The following PHACTR1 variants were observed in gnomAD, a reference collection of about 807,000 sequenced individuals.
The protein encoded by PHACTR1 is phosphatase and actin regulator 1.
In PHACTR1, 16 loss-of-function variants were observed where a neutral mutation model predicts 69.2. The observed-to-expected ratio is 0.23, with a 90% confidence interval of 0.16 to 0.35. The LOEUF is 0.35. Ranked by LOEUF, PHACTR1 falls within the 10% of genes least tolerant of loss-of-function variation. The probability of loss-of-function intolerance (pLI) is 1.00; values close to 1 mark genes in which losing one functional copy is unlikely to be tolerated. For missense variants in PHACTR1, 510 were observed against 734.7 expected (o/e 0.69, Z 3.54); for synonymous variants, 312 against 284.5 (o/e 1.10, Z -0.97).
chr6:12,917,991 A>G (rs1474451734), intron 4 of PHACTR1, among the ~76,000 whole-genome samples: 5 of 152,214 alleles, frequency 3.3e-5, no homozygotes, highest in Non-Finnish European at 7.3e-5. Flanking sequence ...CCTGCCTTCT[A>G]TGATGTGGAG....
At chr6:12,740,212 A>G (rs944300737) in intron 3 of PHACTR1, among the ~76,000 whole-genome samples, 1 of 151,782 alleles carries the variant, frequency 6.6e-6, no homozygotes, top group Non-Finnish European at 1.5e-5. Context: ...AATTATGTTT[A>G]TATATTTTCC....
intron 4 of PHACTR1, among the ~76,000 whole-genome samples, chr6:12,940,305 T>C (rs557139953): frequency 6.6e-6 from 1 of 152,356 alleles, no homozygotes; most frequent in African/African-American, 2.4e-5. Context: ...TAAAACTGCT[T>C]TTCAGCTTTT....
intron 4 of PHACTR1, among the ~76,000 whole-genome samples, chr6:13,015,904 G>A (rs1243913915): frequency 6.6e-6 from 1 of 152,292 alleles, no homozygotes. Flanking sequence ...AGGGGAGACC[G>A]AATGTTATAG....
chr6:13,091,487 T>C (rs1451514721), intron 5 of PHACTR1, among the ~76,000 whole-genome samples: 1 of 152,180 alleles, frequency 6.6e-6, no homozygotes, highest in African/African-American at 2.4e-5. Context: ...GTCCCCAGCT[T>C]TTTTGGCACC....
At chr6:13,155,802 C>A (rs555350742) in intron 5 of PHACTR1, among the ~76,000 whole-genome samples, 1 of 151,894 alleles carries the variant, frequency 6.6e-6, no homozygotes, top group Non-Finnish European at 1.5e-5. Context: ...GCAGGAGAAT[C>A]ACTTGAACCC....
intron 4 of PHACTR1, among the ~76,000 whole-genome samples, chr6:12,914,428 G>T (rs1444258064): frequency 6.6e-6 from 1 of 152,036 alleles, no homozygotes; most frequent in Non-Finnish European, 1.5e-5. Flanking sequence ...TTCCATTCTT[G>T]ACCTCGCTTA....
At chr6:12,748,277 G>T (rs1262204028) in intron 3 of PHACTR1, among the ~76,000 whole-genome samples, 1 of 152,188 alleles carries the variant, frequency 6.6e-6, no homozygotes, top group Non-Finnish European at 1.5e-5. Context: ...CCAATGAAGA[G>T]AGAAGAAGAT....
At chr6:12,904,388 G>T (rs761640255) in intron 4 of PHACTR1, among the ~76,000 whole-genome samples, 1 of 151,920 alleles carries the variant, frequency 6.6e-6, no homozygotes, top group Non-Finnish European at 1.5e-5. Flanking sequence ...AAAAAAAATA[G>T]CCAGGCGTGG....
At chr6:13,020,914 C>T (rs1378247537) in intron 4 of PHACTR1, among the ~76,000 whole-genome samples, 1 of 152,074 alleles carries the variant, frequency 6.6e-6, no homozygotes, top group Non-Finnish European at 1.5e-5. Context: ...AGGCCACATA[C>T]CAAGGGCCTG....
chr6:12,868,498 C>A (rs1781700284), intron 4 of PHACTR1, among the ~76,000 whole-genome samples: 1 of 152,200 alleles, frequency 6.6e-6, no homozygotes, highest in East Asian at 1.9e-4. Flanking sequence ...GGGAGACAGT[C>A]CACAGTCTAT....
intron 5 of PHACTR1, among the ~76,000 whole-genome samples, chr6:13,122,667 A>G (rs1407956248): frequency 6.6e-6 from 1 of 152,308 alleles, no homozygotes; most frequent in African/African-American, 2.4e-5. Context: ...AATCTTTTGT[A>G]TGTGTACTTT....
At chr6:13,178,502 T>C (rs971563619) in intron 6 of PHACTR1, among the ~76,000 whole-genome samples, 1 of 152,274 alleles carries the variant, frequency 6.6e-6, no homozygotes, top group Non-Finnish European at 1.5e-5. Context: ...GTGCACATTC[T>C]TGGGTCTCAC....
intron 4 of PHACTR1, among the ~76,000 whole-genome samples, chr6:12,999,598 C>G (rs1331711881): frequency 6.6e-6 from 1 of 151,612 alleles, no homozygotes; most frequent in Non-Finnish European, 1.5e-5. Flanking sequence ...GACTCTGTCT[C>G]AGAAAAGAAA....
intron 4 of PHACTR1, among the ~76,000 whole-genome samples, chr6:12,834,115 C>G (rs138544206): frequency 5.9e-5 from 9 of 152,258 alleles, no homozygotes; most frequent in Non-Finnish European, 1.0e-4. Context: ...TAATTTTATA[C>G]TTGTCCACTG....
chr6:12,941,471 G>A (rs1343571399), intron 4 of PHACTR1, among the ~76,000 whole-genome samples: 1 of 152,064 alleles, frequency 6.6e-6, no homozygotes, highest in African/African-American at 2.4e-5. Flanking sequence ...CTGATTGTAA[G>A]TAAAGAAGAG....
At chr6:13,251,139 G>A (rs1774337992) in intron 10 of PHACTR1, among the ~76,000 whole-genome samples, 1 of 152,196 alleles carries the variant, frequency 6.6e-6, no homozygotes, top group Admixed American at 6.5e-5. Flanking sequence ...GAGTGGCTGT[G>A]TGTCCCTGTC....
intron 4 of PHACTR1, among the ~76,000 whole-genome samples, chr6:13,047,422 C>T (rs76472155): frequency 0.018 from 2,628 of 149,094 alleles, 76 homozygotes; most frequent in African/African-American, 0.061. Flanking sequence ...GCTGCTTCAG[C>T]GTAGTGAGCT....
chr6:13,194,418 G>C (rs1231699785), intron 7 of PHACTR1, among the ~76,000 whole-genome samples: 1 of 129,904 alleles, frequency 7.7e-6, no homozygotes, highest in Non-Finnish European at 1.6e-5. Context: ...AAAAAAAAAA[G>C]AAAGAAAGGA....
At chr6:13,124,769 C>T (rs944660934) in intron 5 of PHACTR1, among the ~76,000 whole-genome samples, 3 of 152,222 alleles carry the variant, frequency 2.0e-5, no homozygotes, top group East Asian at 1.9e-4. Flanking sequence ...TGCAAACAGC[C>T]GCCTTCTCAC....
Sources: allele counts gnomAD v4.1 joint callset (sites outside exome capture counted in the v4.1 genomes callset), GRCh38; gene constraint gnomAD v4.1.1; transcripts MANE v1.5; gene names NCBI Gene and HGNC (gene_info 2026-07-23, HGNC 2026-07-21).